Variants in GCSAM observed in about 807,000 individuals in gnomAD.
GCSAM encodes germinal center associated signaling and motility.
A neutral mutation model predicts 17.6 loss-of-function variants in GCSAM; 8 were observed. The observed-to-expected ratio is 0.46, with a 90% confidence interval of 0.27 to 0.82. GCSAM has a LOEUF of 0.82. Ranked by LOEUF, GCSAM falls within the 40% of genes least tolerant of loss-of-function variation. The pLI is 0.15. For synonymous variants in GCSAM, 68 were observed against 69.0 expected (o/e 0.98, Z 0.07); for missense variants, 192 against 213.5 (o/e 0.90, Z 0.63).
intron 3 of GCSAM, 74 bp downstream of exon 3, chr3:112,127,943 C>CA: frequency 2.3e-6 from 3 of 1,281,930 alleles, no homozygotes; most frequent in Non-Finnish European, 2.3e-6. Context: ...CAGACAGTCA[C>CA]AGGTAACTTA....
rs1417725578 is a variant in GCSAM, at chr3:112,122,512, A to AT, written c.*942dup. 6.6e-6 allele frequency: 1 copy of AT among 152,222 alleles called. No individual in the cohort carries two copies. The highest frequency in any genetic ancestry group is 1.9e-4 in the East Asian group (1 of 5,194). The allele number at this position is 152,222 out of a possible 1,614,324, so 9.4% of individuals were successfully genotyped here. On this transcript the variant is annotated 3_prime_UTR_variant, in exon 6 of 6. Transcript: ENST00000308910. ...AATCAGGACACATAGAGGAGTGCTT[A>AT]TCAGAGAAGGTATATATGTGTTAAT...
chr3:112,123,379 C>T lies in GCSAM; in HGVS notation c.*76G>A, dbSNP rs1336915587. 4 of 1,558,384 alleles carry T rather than the reference C, an allele frequency of 2.6e-6. No homozygotes were observed. The Admixed American group carries it at 7.3e-5, about 28-fold the overall frequency. On this transcript the variant is annotated 3_prime_UTR_variant, in exon 6 of 6. Coordinates refer to ENST00000308910, the MANE Select transcript of GCSAM (RefSeq NM_152785.5). ...GATAAGCTGGAGGGACTTTGTGTCC[C>T]ATCCCTGCTTCAGGCAGATCCCCCA...
chr3:112,127,749 A>G (rs2074360897), intron 3 of GCSAM, among the ~76,000 whole-genome samples: 1 of 152,212 alleles, frequency 6.6e-6, no homozygotes. Context: ...TGCAGTGTGA[A>G]AAAAACGTAT....
At chr3:112,129,887 G>C (rs1351475416) in intron 2 of GCSAM, 1 of 152,456 alleles carries the variant, frequency 6.6e-6, no homozygotes, top group Non-Finnish European at 1.5e-5. Context: ...AGGATTCTTG[G>C]ATCCTGGAAC....
At chr3:112,126,187 C>T (rs970053561) in intron 4 of GCSAM, among the ~76,000 whole-genome samples, 2 of 152,136 alleles carry the variant, frequency 1.3e-5, no homozygotes, top group Admixed American at 6.5e-5. Flanking sequence ...CTGGGACCCA[C>T]GACTCCTGGA....
chr3:112,133,248 G>T lies in GCSAM; in HGVS notation c.-128C>A. 1 of 937,324 alleles carries T rather than the reference G, an allele frequency of 1.1e-6. No individual in the cohort carries two copies. Among genetic ancestry groups the T allele is most frequent in the Non-Finnish European group, 1.7e-6 (1 of 583,054 alleles). The allele number at this position is 937,324 out of a possible 1,614,324, so 58.1% of individuals were successfully genotyped here. ...TCTGGCCACCCGTGCAGAGACAGCA[G>T]AAAGGAGAAGGGTGTCTCTGCAGAG... On this transcript the variant is annotated 5_prime_UTR_variant, in exon 1 of 6. It adds an upstream start codon to the 5' untranslated region. Transcript: ENST00000308910.
intron 1 of GCSAM, among the ~76,000 whole-genome samples, chr3:112,131,184 A>C (rs2074442223): frequency 6.6e-6 from 1 of 152,164 alleles, no homozygotes; most frequent in East Asian, 1.9e-4. Context: ...TATTTTTTAT[A>C]CTAATGAGGA....
At position 112,127,131 on chromosome 3, in the gene GCSAM, T is replaced by TTA. The variant is rs990297734; in HGVS notation, c.144-100_144-99dup. ...ACTTACTTTTAACTCTTTGTTAAAG[T>TTA]TATATACCTTTTATAATACCTCCTT... On this transcript the variant is annotated intron_variant, in intron 3 of 5. Coordinates refer to ENST00000308910, the MANE Select transcript of GCSAM (RefSeq NM_152785.5). The TTA allele has an allele frequency of 4.1e-6, 3 of 723,894 alleles. No homozygotes were observed. The African/African-American group carries it at 5.4e-5, about 13-fold the overall frequency. 44.8% of individuals were successfully genotyped at this position (723,894 alleles called of 1,614,324 possible).
chr3:112,130,052 C>T (rs2074414611), intron 2 of GCSAM: 1 of 176,228 alleles, frequency 5.7e-6, no homozygotes, highest in Admixed American at 5.5e-5. Flanking sequence ...TAAAAATTGT[C>T]GTAACATGGG....
Position 112,122,906 on chromosome 3 carries a change from CACATAACTA to C in GCSAM, c.*540_*548del, listed in dbSNP as rs1290376446. 1.3e-5 allele frequency: 2 copies of C among 153,628 alleles called. No individual in the cohort carries two copies. The highest frequency in any genetic ancestry group is 2.9e-5 in the Non-Finnish European group (2 of 69,096). The allele number at this position is 153,628 out of a possible 1,614,324, so 9.5% of individuals were successfully genotyped here. ...TGGCCTAGAGCCTCTTGATTCAACT[CACATAACTA>C]ACCAGACCATGGGGGCCAACAGGTC... On this transcript the variant is annotated 3_prime_UTR_variant, in exon 6 of 6. Transcript: ENST00000308910.
chr3:112,130,402 C>T (rs758617667), intron 2 of GCSAM, 43 bp downstream of exon 2: 81 of 1,543,470 alleles, frequency 5.2e-5, no homozygotes, highest in Non-Finnish European at 7.1e-5. Context: ...CTTCGTTCTC[C>T]TTGGGCAAGG....
Position 112,123,349 on chromosome 3 carries a change from T to C in GCSAM, c.*106A>G. On this transcript the variant is annotated 3_prime_UTR_variant, in exon 6 of 6. Coordinates refer to ENST00000308910, the MANE Select transcript of GCSAM (RefSeq NM_152785.5). ...ATGCTCTGCAGGGAAAGGGTTGTTG[T>C]GGGAGATAAGCTGGAGGGACTTTGT... 1 of 1,524,364 alleles carries C rather than the reference T, an allele frequency of 6.6e-7. No individual in the cohort carries two copies. The highest frequency in any genetic ancestry group is 1.4e-5 in the African/African-American group (1 of 72,356). 94.4% of individuals were successfully genotyped at this position (1,524,364 alleles called of 1,614,324 possible).
At chr3:112,132,277 A>G (rs1262712101) in intron 1 of GCSAM, among the ~76,000 whole-genome samples, 1 of 151,836 alleles carries the variant, frequency 6.6e-6, no homozygotes, top group East Asian at 1.9e-4. Flanking sequence ...CCTGTGTTCC[A>G]CTCTCCAGTA....
chr3:112,131,476 A>T (rs1239387550), intron 1 of GCSAM, among the ~76,000 whole-genome samples: 1 of 152,190 alleles, frequency 6.6e-6, no homozygotes, highest in Non-Finnish European at 1.5e-5. Flanking sequence ...GTTAACGGAA[A>T]CATTTTATTT....
chr3:112,129,657 A>G (rs755796529), intron 2 of GCSAM: 13 of 152,344 alleles, frequency 8.5e-5, no homozygotes, highest in East Asian at 1.9e-4. Flanking sequence ...AATATGCCCA[A>G]TGATACCCCT....
rs1365448686 is a variant in GCSAM, at chr3:112,123,576, C to T, written c.416G>A (p.Arg139Lys). 1.3e-5 allele frequency: 21 copies of T among 1,614,154 alleles called. No individual in the cohort carries two copies. The highest frequency in any genetic ancestry group is 1.7e-5 in the Non-Finnish European group (20 of 1,180,014). The change falls in exon 6 of 6, where the codon AGG (arginine) becomes AAG (lysine). Residue 139 changes from arginine (R) to lysine (K), a missense_variant. By Grantham distance (26) the Arg-to-Lys change is conservative (BLOSUM62 2). Transcript: ENST00000308910. The stretch of plus-strand genomic sequence containing the variant: ...TTCATCTTCTGGGGATCGGGCATGC[C>T]TGGGGTCTGTAGAAGGCATATGTAG... ...SLLHMPSTDP[R>K]HARSPEDEYE... is the part of the protein sequence containing the mutation.
intron 3 of GCSAM, 39 bp downstream of exon 3, chr3:112,127,978 A>G (rs2074367214): frequency 6.3e-7 from 1 of 1,583,360 alleles, no homozygotes. Flanking sequence ...TTGAAACCAC[A>G]CTTAGGGAAA....
intron 4 of GCSAM, among the ~76,000 whole-genome samples, chr3:112,125,833 C>T (rs564295982): frequency 6.6e-6 from 1 of 152,170 alleles, no homozygotes; most frequent in South Asian, 2.1e-4. Flanking sequence ...TACCTGCTGG[C>T]AGATAACAAA....
Position 112,122,192 on chromosome 3 carries a change from A to G in GCSAM, c.*1263T>C, listed in dbSNP as rs978382082. The G allele has an allele frequency of 6.6e-6, 1 of 152,214 alleles. No homozygotes were observed. The highest frequency in any genetic ancestry group is 2.4e-5 in the African/African-American group (1 of 41,442). The allele number at this position is 152,214 out of a possible 1,614,324, so 9.4% of individuals were successfully genotyped here. On this transcript the variant is annotated 3_prime_UTR_variant, in exon 6 of 6. Transcript: ENST00000308910. ...AACACATTTCTGTTAAGTTTCTCTCAAACTATAATCATTTAGGGCAGGTGT... is the reference window on the plus strand; with the variant it reads ...AACACATTTCTGTTAAGTTTCTCTCGAACTATAATCATTTAGGGCAGGTGT...
Sources: allele counts gnomAD v4.1 joint callset (sites outside exome capture counted in the v4.1 genomes callset), GRCh38; gene constraint gnomAD v4.1.1; transcripts MANE v1.5; gene names NCBI Gene and HGNC (gene_info 2026-07-23, HGNC 2026-07-21).